BAG3: variants seen among roughly 807,000 people sequenced by gnomAD.
BAG3 encodes BAG cochaperone 3, also known as BAG family molecular chaperone regulator 3.
BAG3 carries 14 observed loss-of-function variants against 40.5 expected under a neutral mutation model. That is an observed-to-expected ratio of 0.35 (90% confidence interval 0.23 to 0.54). The LOEUF (loss-of-function observed/expected upper bound fraction) is 0.54. Among genes scored for constraint, BAG3 ranks in the 20% least tolerant of loss-of-function variants. The pLI, the probability that BAG3 is intolerant of heterozygous loss-of-function variation, is 0.91. For missense variants in BAG3, 788 were observed against 758.6 expected (o/e 1.04, Z -0.46); for synonymous variants, 302 against 307.8 (o/e 0.98, Z 0.20).
Position 119,651,605 on chromosome 10 carries a change from C to A in BAG3, c.-71C>A. 2.2e-6 allele frequency: 3 copies of A among 1,352,744 alleles called. No homozygotes were observed. The highest frequency in any genetic ancestry group is 2.9e-6 in the Non-Finnish European group (3 of 1,046,596). 83.8% of individuals were successfully genotyped at this position (1,352,744 alleles called of 1,614,324 possible). The stretch of plus-strand genomic sequence containing the variant: ...GGCGGAGAGGGGCCCACGGCGGCGG[C>A]CCGGCCAGAGACTCGGCGCCCGGAG... On this transcript the variant is annotated 5_prime_UTR_variant, in exon 1 of 4. Coordinates refer to ENST00000369085, the MANE Select transcript of BAG3 (RefSeq NM_004281.4).
In BAG3 at chr10:119,651,384, C is replaced by T; in HGVS notation, c.-292C>T. 3.2e-6 allele frequency: 1 copy of T among 313,890 alleles called. No homozygotes were observed. The highest frequency in any genetic ancestry group is 5.8e-6 in the Non-Finnish European group (1 of 173,154). The allele number at this position is 313,890 out of a possible 1,614,324, so 19.4% of individuals were successfully genotyped here. ...GATGACTCAGGGCGGAGCTCCGCATCCAACCCCGGGCCGCGGCCAACTTCT... is the reference window on the plus strand; with the variant it reads ...GATGACTCAGGGCGGAGCTCCGCATTCAACCCCGGGCCGCGGCCAACTTCT... On this transcript the variant is annotated 5_prime_UTR_variant, in exon 1 of 4. Transcript: ENST00000369085.
intron 1 of BAG3, among the ~76,000 whole-genome samples, chr10:119,656,444 G>A (rs1006950816): frequency 6.7e-6 from 1 of 148,540 alleles, no homozygotes; most frequent in African/African-American, 2.5e-5. Flanking sequence ...GCCGTAGTGC[G>A]ATCTTGGCTC....
At chr10:119,675,855 C>CT (rs1564776072) in intron 3 of BAG3, among the ~76,000 whole-genome samples, 1 of 63,634 alleles carries the variant, frequency 1.6e-5, no homozygotes, top group Non-Finnish European at 3.0e-5. Context: ...TCCTTCCTGC[C>CT]CCCTTCCCCC....
At chr10:119,675,867 TGCCC>T (rs1847221919) in intron 3 of BAG3, among the ~76,000 whole-genome samples, 2 of 56,596 alleles carry the variant, frequency 3.5e-5, no homozygotes, top group African/African-American at 8.8e-5. Context: ...CCTTCCCCCT[TGCCC>T]CCTTCTCCCC....
At position 119,676,537 on chromosome 10, in the gene BAG3, T is replaced by C. The variant is rs765627299; in HGVS notation, c.983T>C (p.Val328Ala). 7.4e-6 allele frequency: 12 copies of C among 1,613,920 alleles called. No homozygotes were observed. The highest frequency in any genetic ancestry group is 5.0e-5 in the Admixed American group (3 of 59,992). The change falls in exon 4 of 4, where the codon GTT becomes GCT. Residue 328 changes from valine to alanine, a missense_variant. Physicochemically the swap from Val to Ala is moderately conservative, Grantham distance 64. Transcript: ENST00000369085. ...ENKPESKPGP[V>A]GPELPPGHIP... ...AAACCAGAAAGTAAGCCAGGCCCAG[T>C]TGGACCAGAACTCCCTCCTGGACAC...
In BAG3 at chr10:119,651,768, C is replaced by T. The variant is rs548800649; in HGVS notation, c.93C>T (p.Asp31=). ...CCCCCGGATGGGAGATCAAGATCGA[C>T]CCGCAGACCGGCTGGCCCTTCTTCG... ...PLPPGWEIKI[D]PQTGWPFFVD... The change falls in exon 1 of 4, where the codon GAC becomes GAT. Residue 31 remains aspartate (D), a synonymous_variant. Coordinates refer to ENST00000369085, the MANE Select transcript of BAG3 (RefSeq NM_004281.4). The T allele has an allele frequency of 5.6e-6, 9 of 1,600,832 alleles. No homozygotes were observed. The South Asian group carries it at 9.0e-5, about 16-fold the overall frequency.
In BAG3 at chr10:119,672,287, A is replaced by C. The variant is rs1345531505; in HGVS notation, c.540A>C (p.Ser180=). The C allele has an allele frequency of 8.7e-6, 14 of 1,613,672 alleles. No individual in the cohort carries two copies. The Admixed American group carries it at 1.7e-4, about 19-fold the overall frequency. ...RSQSPAASDC[S]SSSSSASLPS... The stretch of plus-strand genomic sequence containing the variant: ...AGTCTCCAGCTGCCTCTGACTGCTC[A>C]TCCTCATCCTCCTCGGCCAGCCTGC... Residue 180 remains serine, a synonymous_variant, in exon 3 of 4, where the codon TCA becomes TCC. Transcript: ENST00000369085. The surrounding 1 kb of genome is among the most constrained non-coding windows in gnomAD (Gnocchi z 4.8).
At chr10:119,676,008 C>T (rs965185515) in intron 3 of BAG3, among the ~76,000 whole-genome samples, 4 of 130,404 alleles carry the variant, frequency 3.1e-5, no homozygotes, top group Non-Finnish European at 6.4e-5. Flanking sequence ...TCACTACAGC[C>T]TTGAATTCCT....
At position 119,651,386 on chromosome 10, in the gene BAG3, A is replaced by C. The variant is rs1006929658; in HGVS notation, c.-290A>C. 17 of 291,952 alleles carry C rather than the reference A, an allele frequency of 5.8e-5. No individual in the cohort carries two copies. Among genetic ancestry groups the C allele is most frequent in the East Asian group, 1.2e-4 (2 of 16,456 alleles). The allele number at this position is 291,952 out of a possible 1,614,324, so 18.1% of individuals were successfully genotyped here. A position where few individuals can be genotyped will look rare whatever the true frequency, so the allele number is the denominator to read the frequency against. On this transcript the variant is annotated 5_prime_UTR_variant, in exon 1 of 4. Transcript: ENST00000369085. The stretch of plus-strand genomic sequence containing the variant: ...TGACTCAGGGCGGAGCTCCGCATCC[A>C]ACCCCGGGCCGCGGCCAACTTCTCT...
chr10:119,676,101 G>A (rs1453542337), intron 3 of BAG3, among the ~76,000 whole-genome samples: 1 of 150,570 alleles, frequency 6.6e-6, no homozygotes, highest in Non-Finnish European at 1.5e-5. Flanking sequence ...AATTTTTAAA[G>A]ATTTTTTGTA....
intron 1 of BAG3, among the ~76,000 whole-genome samples, chr10:119,657,954 C>T (rs1846935174): frequency 1.3e-5 from 2 of 152,210 alleles, no homozygotes; most frequent in South Asian, 2.1e-4. Context: ...AGCCTAGAAT[C>T]GCAGAGTGCC....
intron 1 of BAG3, among the ~76,000 whole-genome samples, chr10:119,653,646 G>A (rs1216977684): frequency 6.6e-6 from 1 of 152,208 alleles, no homozygotes; most frequent in Non-Finnish European, 1.5e-5. Context: ...GTCTGATGCT[G>A]GGAAGATTTA....
intron 1 of BAG3, among the ~76,000 whole-genome samples, chr10:119,658,806 G>A (rs1232528450): frequency 2.0e-5 from 3 of 152,174 alleles, no homozygotes; most frequent in Non-Finnish European, 4.4e-5. Context: ...TCTGTTAGCA[G>A]GGTTGGGAGA....
intron 1 of BAG3, among the ~76,000 whole-genome samples, chr10:119,662,557 T>C (rs1398628136): frequency 6.6e-6 from 1 of 152,170 alleles, no homozygotes; most frequent in East Asian, 1.9e-4. Context: ...TCTTCTGGCC[T>C]AAAAACCCAG....
chr10:119,664,113 G>C (rs756612026), intron 1 of BAG3, among the ~76,000 whole-genome samples: 2 of 152,174 alleles, frequency 1.3e-5, no homozygotes, highest in South Asian at 4.1e-4. Context: ...TGTTCCCTCA[G>C]CGCCCATGTT....
At chr10:119,671,438 C>T (rs552419526) in intron 2 of BAG3, among the ~76,000 whole-genome samples, 5 of 152,314 alleles carry the variant, frequency 3.3e-5, no homozygotes, top group South Asian at 2.1e-4. Flanking sequence ...CTCTCAATTT[C>T]GAGGTGAATA....
chr10:119,667,674 G>A (rs1427002677), intron 1 of BAG3, among the ~76,000 whole-genome samples: 2 of 152,176 alleles, frequency 1.3e-5, no homozygotes, highest in South Asian at 2.1e-4. Context: ...TTGGCAGGGA[G>A]TGCCCCTTGC....
At chr10:119,652,011 C>G (rs1246880236) in intron 1 of BAG3, among the ~76,000 whole-genome samples, 156 bp downstream of exon 1, 1 of 151,876 alleles carries the variant, frequency 6.6e-6, no homozygotes, top group Non-Finnish European at 1.5e-5. Context: ...GCCACACACT[C>G]CCGCTGCGCC....
intron 1 of BAG3, among the ~76,000 whole-genome samples, chr10:119,667,424 C>T (rs1469280383): frequency 6.6e-6 from 1 of 152,176 alleles, no homozygotes; most frequent in Non-Finnish European, 1.5e-5. Flanking sequence ...TTCTCCAGGG[C>T]AGGTGTTGGC....
Sources: allele counts gnomAD v4.1 joint callset (sites outside exome capture counted in the v4.1 genomes callset), GRCh38; gene constraint gnomAD v4.1.1; non-coding constraint Gnocchi (gnomAD v3.1); transcripts MANE v1.5; gene names NCBI Gene and HGNC (gene_info 2026-07-23, HGNC 2026-07-21).